The following NT5C3A variants were observed in gnomAD, a reference collection of about 807,000 sequenced individuals.
NT5C3A encodes cytosolic 5'-nucleotidase 3A.
Under a neutral mutation model 40.0 loss-of-function variants are expected in NT5C3A, and 23 were observed. That is an observed-to-expected ratio of 0.58 (90% CI 0.41 to 0.81). The LOEUF (loss-of-function observed/expected upper bound fraction) is 0.81. Ranked by LOEUF, NT5C3A falls within the 40% of genes least tolerant of loss-of-function variation. NT5C3A has a pLI of 0.00. For missense variants in NT5C3A, 328 were observed against 403.0 expected, an observed-to-expected ratio of 0.81 and a Z score of 1.59; for synonymous variants, 130 against 141.4, an observed-to-expected ratio of 0.92 and a Z score of 0.57.
rs913712820 is a variant in NT5C3A at position 33,030,430 on chromosome 7, C to T, written c.139-3515G>A. On this transcript the variant is annotated intron_variant, in intron 1 of 8. Transcript: ENST00000610140. ...ATAATGATACTTCAAATTTGAAGGG[C>T]AAGGTATTTTGAATTGTCTGAAAAA... Among the ~76,000 whole-genome samples the T allele has an allele frequency of 2.6e-5, 4 of 152,014 alleles. No homozygotes were observed. In the East Asian group the frequency reaches 7.7e-4, roughly 29 times the overall value.
rs769619743 is a variant in NT5C3A at position 33,062,618 on chromosome 7, T to G, written c.88A>C (p.Ile30Leu). The change falls in exon 1 of 9, where the codon ATA (isoleucine) becomes CTA (leucine). Residue 30 changes from isoleucine to leucine, a missense_variant. By Grantham distance (5) the Ile-to-Leu change is conservative. Coordinates refer to ENST00000610140, the MANE Select transcript of NT5C3A (RefSeq NM_001002010.5). The part of the protein sequence containing the change: ...LVAGVVLAQY[I>L]FTLKRKTGRK... Reference sequence around the variant, plus strand: ...CCCGTCTTCCTCTTCAAGGTGAATATGTACTGAGCCAGCACCACCCCCGCC... The same window carrying G: ...CCCGTCTTCCTCTTCAAGGTGAATAGGTACTGAGCCAGCACCACCCCCGCC... 5.6e-6 allele frequency: 9 copies of G among 1,608,516 alleles called. No homozygotes were observed. The highest frequency in any genetic ancestry group is 6.8e-6 in the Non-Finnish European group (8 of 1,178,316).
At chr7:33,041,358 T>C (rs937182129) in intron 1 of NT5C3A, among the ~76,000 whole-genome samples, 1 of 152,208 alleles carries the variant, frequency 6.6e-6, no homozygotes, top group Non-Finnish European at 1.5e-5. Flanking sequence ...GTTTCAGTTT[T>C]AGAAGATGAA....
chr7:33,019,598 G>T, intron 6 of NT5C3A, 37 bp downstream of exon 6: 1 of 1,195,934 alleles, frequency 8.4e-7, no homozygotes, highest in South Asian at 1.2e-5. Context: ...ATTCAAGTCT[G>T]TGAACAATAA....
At chr7:33,058,520 T>A (rs1026628801) in intron 1 of NT5C3A, among the ~76,000 whole-genome samples, 1 of 152,110 alleles carries the variant, frequency 6.6e-6, no homozygotes, top group Non-Finnish European at 1.5e-5. Flanking sequence ...CTACTTTGTT[T>A]TTTTATTTTT....
At chr7:33,050,040 C>G (rs1342480747) in intron 1 of NT5C3A, among the ~76,000 whole-genome samples, 4 of 146,746 alleles carry the variant, frequency 2.7e-5, no homozygotes, top group African/African-American at 2.5e-5. Context: ...ATTACCCAAA[C>G]AGGGAAACTT....
Position 33,019,639 on chromosome 7 carries a change from G to A in NT5C3A, c.526C>T (p.Leu176Phe). 9 of 1,580,250 alleles carry A rather than the reference G, an allele frequency of 5.7e-6. No individual in the cohort carries two copies. The highest frequency in any genetic ancestry group is 7.8e-6 in the Non-Finnish European group (9 of 1,150,592). ...KEIVAESDVM[L>F]KEGYENFFDK... is the part of the protein sequence containing the mutation. The stretch of plus-strand genomic sequence containing the variant: ...AAAAACATCCAAGAAACTTACTTGA[G>A]CATAACGTCAGATTCTGCCACAATT... The change falls in exon 6 of 9, where the codon CTC (leucine) becomes TTC (phenylalanine). Residue 176 changes from leucine (L) to phenylalanine (F), a missense_variant. Coordinates refer to ENST00000610140, the MANE Select transcript of NT5C3A (RefSeq NM_001002010.5).
intron 1 of NT5C3A, among the ~76,000 whole-genome samples, chr7:33,049,256 C>T (rs113773488): frequency 2.0e-5 from 3 of 152,194 alleles, no homozygotes; most frequent in African/African-American, 7.2e-5. Flanking sequence ...TAATATAATA[C>T]CCTGAAGTAA....
intron 1 of NT5C3A, among the ~76,000 whole-genome samples, chr7:33,043,905 T>G (rs956981490): frequency 1.3e-5 from 2 of 152,166 alleles, no homozygotes; most frequent in Non-Finnish European, 2.9e-5. Context: ...GTAATTTAAT[T>G]GGTGTAATTT....
At chr7:33,059,193 C>T (rs6954699) in intron 1 of NT5C3A, among the ~76,000 whole-genome samples, 110,282 of 152,136 alleles carry the variant, frequency 0.72, 40,239 homozygotes, top group African/African-American at 0.79. Context: ...TTATTTCTAG[C>T]CTCAATTTAT....
intron 2 of NT5C3A, among the ~76,000 whole-genome samples, chr7:33,026,080 G>A (rs148977365): frequency 1.2e-3 from 185 of 152,274 alleles, no homozygotes; most frequent in African/African-American, 4.3e-3. Flanking sequence ...CAGCTGCTCT[G>A]GAAGCTGAGG....
intron 1 of NT5C3A, chr7:33,036,458 C>T (rs74911297): frequency 1.9e-5 from 3 of 159,664 alleles, no homozygotes; most frequent in Admixed American, 6.1e-5. Flanking sequence ...CATAAAGCAT[C>T]TTTTTTTTTT....
chr7:33,042,734 A>G (rs1259535567), intron 1 of NT5C3A, among the ~76,000 whole-genome samples: 1 of 152,250 alleles, frequency 6.6e-6, no homozygotes, highest in Admixed American at 6.5e-5. Context: ...AGAAATATAC[A>G]TTCCCTTTGA....
chr7:33,040,922 TGA>T (rs1322139092), intron 1 of NT5C3A: 2 of 985,434 alleles, frequency 2.0e-6, no homozygotes, highest in East Asian at 1.1e-4. Flanking sequence ...TCTTCCTGTC[TGA>T]GAAGTACTAA....
Position 33,039,555 on chromosome 7 carries a change from G to GTTTTTTTTTTTTTTTT in NT5C3A, c.139-12641_139-12640insAAAAAAAAAAAAAAAA, listed in dbSNP as rs776873396. On this transcript the variant is annotated intron_variant, in intron 1 of 8. Coordinates refer to ENST00000610140, the MANE Select transcript of NT5C3A (RefSeq NM_001002010.5). ...TACTATTTGACTTTCTTAAGCTTGG[G>GTTTTTTTTTTTTTTTT]TTTTTTGTTTTTTTTTTTTTTTAAT... 2.1e-4 allele frequency among the ~76,000 whole-genome samples: 15 copies of GTTTTTTTTTTTTTTTT among 70,034 alleles called. 6 individuals carry two copies. The highest frequency in any genetic ancestry group is 8.6e-4 in the Admixed American group (4 of 4,636). The allele number at this position is 70,034 out of a possible 152,430, so 45.9% of individuals were successfully genotyped here. A position where few individuals can be genotyped will look rare whatever the true frequency, so the allele number is the denominator to read the frequency against.
At chr7:33,058,158 G>T (rs1434782683) in intron 1 of NT5C3A, among the ~76,000 whole-genome samples, 1 of 152,008 alleles carries the variant, frequency 6.6e-6, no homozygotes, top group East Asian at 1.9e-4. Context: ...TAGAAAAGAA[G>T]TCGGTATGTA....
intron 1 of NT5C3A, among the ~76,000 whole-genome samples, chr7:33,057,060 G>A (rs980905962): frequency 2.6e-5 from 4 of 152,080 alleles, no homozygotes; most frequent in Non-Finnish European, 4.4e-5. Context: ...TGATCCGCCC[G>A]CCTTGGCCTC....
At chr7:33,058,955 C>G (rs1162969401) in intron 1 of NT5C3A, among the ~76,000 whole-genome samples, 1 of 152,164 alleles carries the variant, frequency 6.6e-6, no homozygotes, top group Non-Finnish European at 1.5e-5. Context: ...CCTTTCAGAC[C>G]AACTTCTGAT....
intron 1 of NT5C3A, among the ~76,000 whole-genome samples, chr7:33,047,996 ATG>A (rs10582277): frequency 0.27 from 40,896 of 150,408 alleles, 6,205 homozygotes; most frequent in African/African-American, 0.41. Flanking sequence ...TTATATGTGT[ATG>A]TGTGTGTGTG....
intron 8 of NT5C3A, 93 bp downstream of exon 8, chr7:33,015,577 A>G (rs1785275888): frequency 3.7e-6 from 3 of 815,072 alleles, no homozygotes; most frequent in Admixed American, 2.5e-5. Context: ...AGTCTCTAAA[A>G]TAACTACTTT....
Sources: allele counts gnomAD v4.1 joint callset (sites outside exome capture counted in the v4.1 genomes callset), GRCh38; gene constraint gnomAD v4.1.1; transcripts MANE v1.5; gene names NCBI Gene and HGNC (gene_info 2026-07-23, HGNC 2026-07-21).